The following PHEX variants were observed in gnomAD, a reference collection of about 807,000 sequenced individuals.
The protein encoded by PHEX is phosphate regulating endopeptidase X-linked.
PHEX carries 16 observed loss-of-function variants against 68.0 expected under a neutral mutation model. The observed-to-expected ratio is 0.24, with a 90% confidence interval of 0.16 to 0.36. The LOEUF (loss-of-function observed/expected upper bound fraction) is 0.36. Among genes scored for constraint, PHEX ranks in the 10% least tolerant of loss-of-function variants. The probability of loss-of-function intolerance (pLI) is 1.00; values close to 1 mark genes in which losing one functional copy is unlikely to be tolerated. For synonymous variants in PHEX, 208 were observed against 205.1 expected (o/e 1.01, Z -0.12); for missense variants, 480 against 575.5 (o/e 0.83, Z 1.70).
chrX:22,084,887 CTT>C (rs945149146), intron 5 of PHEX, among the ~76,000 whole-genome samples: 24 of 109,734 alleles, frequency 2.2e-4, no homozygotes, highest in African/African-American at 7.3e-4. Context: ...TGTCTTCTCT[CTT>C]TTATTGTTAG....
chrX:22,189,417 T>G (rs1358262024), intron 14 of PHEX, among the ~76,000 whole-genome samples: 1 of 111,680 alleles, frequency 9.0e-6, no homozygotes. Context: ...AATTCCGTTA[T>G]TCTCATTAAT....
At chrX:22,231,954 T>G (rs781733007) in intron 20 of PHEX, among the ~76,000 whole-genome samples, 4 of 111,962 alleles carry the variant, frequency 3.6e-5, no homozygotes, top group African/African-American at 1.3e-4. Context: ...GTCCCAGAGA[T>G]TCTGGTACAT....
At chrX:22,099,402 A>G in intron 9 of PHEX, 1 of 375,685 alleles carries the variant, frequency 2.7e-6, no homozygotes, top group South Asian at 4.0e-5. Flanking sequence ...TTGAGATCCT[A>G]AATTGTTTAT....
intron 15 of PHEX, among the ~76,000 whole-genome samples, chrX:22,201,115 T>C (rs1387518937): frequency 1.8e-5 from 2 of 111,977 alleles, no homozygotes; most frequent in Non-Finnish European, 1.9e-5. Context: ...GAACAAACTT[T>C]GAATAGTTTG....
rs142319358 is a variant in PHEX at position 22,209,445 on chromosome X, G to A, written c.1646-3459G>A. Reference sequence around the variant, plus strand: ...AATAACTCCATACACTGTACTGAATGCTGTTTTTCACTTAATATTTCTTAG... The same window carrying A: ...AATAACTCCATACACTGTACTGAATACTGTTTTTCACTTAATATTTCTTAG... On this transcript the variant is annotated intron_variant, in intron 15 of 21. Coordinates refer to ENST00000379374, the MANE Select transcript of PHEX (RefSeq NM_000444.6). Among the ~76,000 whole-genome samples, 169 of 109,242 alleles carry A rather than the reference G, an allele frequency of 1.5e-3. 4 individuals are homozygous for A. The East Asian group carries it at 0.045, about 29-fold the overall frequency. 94.9% of individuals were successfully genotyped at this position (109,242 alleles called of 115,157 possible). A position where few individuals can be genotyped will look rare whatever the true frequency, so the allele number is the denominator to read the frequency against.
intron 1 of PHEX, among the ~76,000 whole-genome samples, chrX:22,035,106 T>C (rs1926951294): frequency 9.0e-6 from 1 of 110,757 alleles, no homozygotes; most frequent in African/African-American, 3.3e-5. Context: ...GGTATATTTC[T>C]CTGCCTGTCC....
At chrX:22,129,047 GTCTC>G (rs1931864752) in intron 11 of PHEX, among the ~76,000 whole-genome samples, 2 of 111,141 alleles carry the variant, frequency 1.8e-5, no homozygotes, top group Non-Finnish European at 1.9e-5. Flanking sequence ...TGTGAATGTG[GTCTC>G]TCTTTCTCTC....
At chrX:22,242,943 A>T (rs891432607) in intron 20 of PHEX, among the ~76,000 whole-genome samples, 1 of 111,958 alleles carries the variant, frequency 8.9e-6, no homozygotes, top group Admixed American at 9.5e-5. Flanking sequence ...TAAACTTCAT[A>T]TGGAACCAAA....
At chrX:22,135,368 G>C (rs144827710) in intron 12 of PHEX, among the ~76,000 whole-genome samples, 21 of 112,261 alleles carry the variant, frequency 1.9e-4, no homozygotes, top group African/African-American at 6.8e-4. Context: ...AACAGGATGT[G>C]TCTTGCCCTG....
At chrX:22,082,881 A>G (rs1003937601) in intron 5 of PHEX, among the ~76,000 whole-genome samples, 1 of 112,323 alleles carries the variant, frequency 8.9e-6, no homozygotes, top group Non-Finnish European at 1.9e-5. Flanking sequence ...TGGAATCAAA[A>G]CAGAGCCCGA....
At chrX:22,090,644 A>G in intron 6 of PHEX, 147 bp downstream of exon 6, 1 of 500,538 alleles carries the variant, frequency 2.0e-6, no homozygotes. Flanking sequence ...ATTCAGGCAG[A>G]TAAATTCCAC....
In PHEX at chrX:22,227,552, C is replaced by G. The variant is rs1045800391; in HGVS notation, c.2011C>G (p.Pro671Ala). ...TGACAGAAGGCAGGGACTTGAGGAG[C>G]CTCTTCTACCAGGCATCACATTCAC... is the stretch of plus-strand genomic sequence containing the variant. ...INDRRQGLEE[P>A]LLPGITFTNN... The change falls in exon 20 of 22, where the codon CCT becomes GCT. Residue 671 changes from proline (P) to alanine (A), a missense_variant. By Grantham distance (27) the Pro-to-Ala change is conservative (BLOSUM62 -1). Coordinates refer to ENST00000379374, the MANE Select transcript of PHEX (RefSeq NM_000444.6). 8.3e-7 allele frequency: 1 copy of G among 1,208,916 alleles called. No homozygotes were observed. Among genetic ancestry groups the G allele is most frequent in the Non-Finnish European group, 1.1e-6 (1 of 892,943 alleles).
At position 22,231,884 on chromosome X, in the gene PHEX, C is replaced by G. The variant is rs188657881; in HGVS notation, c.2070+4273C>G. Among the ~76,000 whole-genome samples the G allele has an allele frequency of 2.7e-5, 3 of 112,005 alleles. No individual in the cohort carries two copies. In the East Asian group the frequency reaches 8.4e-4, roughly 31 times the overall value. ...TTAGGGTGTCAATTTTAGATCTTTC[C>G]TGCTTTCTCTTGTGTGCATTTAGTG... On this transcript the variant is annotated intron_variant, in intron 20 of 21. Coordinates refer to ENST00000379374, the MANE Select transcript of PHEX (RefSeq NM_000444.6).
chrX:22,052,791 C>T (rs1927896111), intron 3 of PHEX, among the ~76,000 whole-genome samples: 1 of 108,734 alleles, frequency 9.2e-6, no homozygotes, highest in Non-Finnish European at 1.9e-5. Context: ...ACCTTGGACT[C>T]AAAGGGGGGA....
chrX:22,166,299 G>A (rs1359587854), intron 12 of PHEX, among the ~76,000 whole-genome samples: 1 of 111,265 alleles, frequency 9.0e-6, no homozygotes, highest in Non-Finnish European at 1.9e-5. Context: ...CTCTCTCTTA[G>A]CTGTAAAATA....
chrX:22,050,235 G>C (rs1927758976), intron 3 of PHEX, among the ~76,000 whole-genome samples: 2 of 112,267 alleles, frequency 1.8e-5, no homozygotes, highest in South Asian at 7.3e-4. Flanking sequence ...TTAGTTGATA[G>C]CTCCTTGGTA....
chrX:22,212,626 G>A (rs1402735691), intron 15 of PHEX, among the ~76,000 whole-genome samples: 1 of 112,074 alleles, frequency 8.9e-6, no homozygotes, highest in East Asian at 2.8e-4. Context: ...GAAGCCTCAT[G>A]AGCATGCCAT....
chrX:22,077,814 T>C, intron 5 of PHEX, 112 bp downstream of exon 5: 1 of 565,654 alleles, frequency 1.8e-6, no homozygotes, highest in East Asian at 3.4e-5. Context: ...CATAAAACAC[T>C]TTTATTGAAT....
At chrX:22,239,670 G>C (rs1465416608) in intron 20 of PHEX, among the ~76,000 whole-genome samples, 1 of 110,898 alleles carries the variant, frequency 9.0e-6, no homozygotes, top group Non-Finnish European at 1.9e-5. Flanking sequence ...ATGAAATAAA[G>C]TGAGAAGACA....
Sources: gnomAD v4.1 joint callset for allele counts (sites outside exome capture counted in the v4.1 genomes callset) on GRCh38, gnomAD v4.1.1 for gene constraint, MANE v1.5 for transcripts, NCBI Gene and HGNC (gene_info 2026-07-23, HGNC 2026-07-21) for gene names.